CSNK2A2IP: variants seen among roughly 807,000 people sequenced by gnomAD.
The protein encoded by CSNK2A2IP is casein kinase 2 subunit alpha' interacting protein, also known as casein kinase II subunit alpha'-interacting protein.
the CSNK2A2IP span, among the ~76,000 whole-genome samples, chr3:88,397,529 T>C: frequency 2.0e-5 from 3 of 152,142 alleles, no homozygotes; most frequent in Non-Finnish European, 4.4e-5. Context: ...AGAGATTTAT[T>C]GAACAAGCAT....
the CSNK2A2IP span, among the ~76,000 whole-genome samples, chr3:88,363,262 T>G: frequency 6.6e-6 from 1 of 152,214 alleles, no homozygotes; most frequent in Non-Finnish European, 1.5e-5. Flanking sequence ...TCTGTGTATT[T>G]CATTTTTAAT....
the CSNK2A2IP span, among the ~76,000 whole-genome samples, chr3:88,407,810 G>A: frequency 4.3e-4 from 66 of 151,962 alleles, no homozygotes; most frequent in East Asian, 0.012. Context: ...TGCAACCTCC[G>A]CCTCCCAGGT....
the CSNK2A2IP span, among the ~76,000 whole-genome samples, chr3:88,363,765 C>T: frequency 7.9e-5 from 12 of 152,124 alleles, no homozygotes; most frequent in Admixed American, 7.9e-4. Context: ...CAGTTTAGTG[C>T]TATAAGTTAA....
the CSNK2A2IP span, among the ~76,000 whole-genome samples, chr3:88,446,441 A>G: frequency 2.0e-5 from 3 of 152,134 alleles, no homozygotes; most frequent in Non-Finnish European, 4.4e-5. Flanking sequence ...CCCTCAGGGT[A>G]AGCTCTACAT....
the CSNK2A2IP span, among the ~76,000 whole-genome samples, chr3:88,373,274 A>T: frequency 2.6e-5 from 4 of 151,494 alleles, no homozygotes; most frequent in Non-Finnish European, 5.9e-5. Context: ...TGAACTTACC[A>T]AAAGTATATT....
the CSNK2A2IP span, among the ~76,000 whole-genome samples, chr3:88,348,512 G>A: frequency 1.3e-3 from 191 of 152,108 alleles, no homozygotes; most frequent in African/African-American, 3.3e-3. Context: ...TTTATTCTAA[G>A]TTAAGTGAAA....
the CSNK2A2IP span, among the ~76,000 whole-genome samples, chr3:88,400,763 A>C: frequency 6.6e-6 from 1 of 152,204 alleles, no homozygotes; most frequent in Non-Finnish European, 1.5e-5. Flanking sequence ...CCTGTGTTAG[A>C]CTTCTAGCCT....
the CSNK2A2IP span, among the ~76,000 whole-genome samples, chr3:88,416,595 G>A: frequency 8.7e-4 from 133 of 152,206 alleles, 1 homozygote; most frequent in African/African-American, 3.0e-3. Context: ...CAAAGTCTTC[G>A]CTCCTGAAAC....
At chr3:88,380,254 C>A in the CSNK2A2IP span, among the ~76,000 whole-genome samples, 1 of 151,740 alleles carries the variant, frequency 6.6e-6, no homozygotes, top group African/African-American at 2.4e-5. Context: ...TCCATTTAGG[C>A]CAAACCACAA....
chr3:88,361,842 C>T, the CSNK2A2IP span, among the ~76,000 whole-genome samples: 1 of 151,884 alleles, frequency 6.6e-6, no homozygotes, highest in East Asian at 1.9e-4. Context: ...GTCTTCAAAG[C>T]TCACTAATTC....
the CSNK2A2IP span, among the ~76,000 whole-genome samples, chr3:88,388,406 T>C: frequency 5.3e-5 from 8 of 152,226 alleles, no homozygotes; most frequent in African/African-American, 1.9e-4. Context: ...CAAGCTTCAA[T>C]ATATAAAAGC....
At chr3:88,443,067 G>T in the CSNK2A2IP span, among the ~76,000 whole-genome samples, 1 of 152,100 alleles carries the variant, frequency 6.6e-6, no homozygotes, top group African/African-American at 2.4e-5. Context: ...CCCTACCTTA[G>T]GTACCCCAGT....
the CSNK2A2IP span, among the ~76,000 whole-genome samples, chr3:88,377,669 A>T: frequency 6.6e-6 from 1 of 151,916 alleles, no homozygotes; most frequent in African/African-American, 2.4e-5. Flanking sequence ...ATTAGCCCTC[A>T]TACAAATCTT....
the CSNK2A2IP span, among the ~76,000 whole-genome samples, chr3:88,463,146 T>G: frequency 6.6e-6 from 1 of 152,164 alleles, no homozygotes; most frequent in Non-Finnish European, 1.5e-5. Flanking sequence ...AGAATTTGGG[T>G]TGGTAAGTCA....
the CSNK2A2IP span, among the ~76,000 whole-genome samples, chr3:88,361,875 G>A: frequency 1.3e-5 from 2 of 151,528 alleles, no homozygotes; most frequent in African/African-American, 2.4e-5. Context: ...GGTGAGTTCT[G>A]TTGTTCAGAG....
chr3:88,448,864 G>A, the CSNK2A2IP span, among the ~76,000 whole-genome samples: 1 of 152,192 alleles, frequency 6.6e-6, no homozygotes, highest in Non-Finnish European at 1.5e-5. Flanking sequence ...TGAGCTGGCT[G>A]TGTAACTGTT....
chr3:88,391,516 G>C, the CSNK2A2IP span, among the ~76,000 whole-genome samples: 1 of 152,090 alleles, frequency 6.6e-6, no homozygotes, highest in African/African-American at 2.4e-5. Flanking sequence ...TATATACCAA[G>C]GCAAATCTAA....
chr3:88,364,354 G>T, the CSNK2A2IP span, among the ~76,000 whole-genome samples: 1,044 of 151,854 alleles, frequency 6.9e-3, 14 homozygotes, highest in African/African-American at 0.024. Flanking sequence ...GTGAAATCAG[G>T]AGATTATAAA....
At chr3:88,371,118 T>C in the CSNK2A2IP span, among the ~76,000 whole-genome samples, 3 of 151,738 alleles carry the variant, frequency 2.0e-5, no homozygotes, top group Non-Finnish European at 4.4e-5. Flanking sequence ...TCATGACAAG[T>C]TTGCAACAAG....
Sources: gnomAD v4.1 joint callset for allele counts (sites outside exome capture counted in the v4.1 genomes callset) on GRCh38, gnomAD v4.1.1 for gene constraint, MANE v1.5 for transcripts, NCBI Gene and HGNC (gene_info 2026-07-23, HGNC 2026-07-21) for gene names.